ATP2B2: variants seen among roughly 807,000 people sequenced by gnomAD.
ATP2B2 encodes the protein plasma membrane calcium-transporting ATPase 2.
A neutral mutation model predicts 120.0 loss-of-function variants in ATP2B2; 15 were observed. That is an observed-to-expected ratio of 0.12 (90% CI 0.08 to 0.19). The LOEUF (loss-of-function observed/expected upper bound fraction) is 0.19, where lower values mean the gene tolerates loss of function less well. ATP2B2 is among the 10% of genes least tolerant of loss of function. The pLI is 1.00. For missense variants in ATP2B2, 1,045 were observed against 1,719.8 expected, an observed-to-expected ratio of 0.61 and a Z score of 6.94; for synonymous variants, 694 against 700.3, an observed-to-expected ratio of 0.99 and a Z score of 0.14.
At chr3:10,453,422 G>GC (rs773774499) in intron 1 of ATP2B2, among the ~76,000 whole-genome samples, 10 of 152,268 alleles carry the variant, frequency 6.6e-5, no homozygotes, top group Non-Finnish European at 1.2e-4. Flanking sequence ...AGAAACTGAG[G>GC]CCAAGAGAGA....
intron 2 of ATP2B2, among the ~76,000 whole-genome samples, chr3:10,585,753 C>T (rs779620995): frequency 6.6e-6 from 1 of 152,128 alleles, no homozygotes. Flanking sequence ...CTCCAGGGCT[C>T]CTCTGCCAAA....
At chr3:10,577,326 T>C (rs1056168601) in intron 2 of ATP2B2, among the ~76,000 whole-genome samples, 8 of 152,230 alleles carry the variant, frequency 5.3e-5, no homozygotes, top group African/African-American at 9.6e-5. Context: ...CTGAGATTCC[T>C]GGCTTCTCAT....
At chr3:10,475,474 C>A (rs991513119) in intron 1 of ATP2B2, among the ~76,000 whole-genome samples, 1 of 152,202 alleles carries the variant, frequency 6.6e-6, no homozygotes, top group East Asian at 1.9e-4. Context: ...ATGTGTTGGG[C>A]ACCACACATT....
In ATP2B2 at chr3:10,617,730, C is replaced by G. The variant is rs545715943; in HGVS notation, c.-415+2187G>C. ...AGGGACGAGCTGCTGAGCAGGGCAG[C>G]AGCAGGACGGCTCCCAGATCCAGCC... is the stretch of plus-strand genomic sequence containing the variant. On this transcript the variant is annotated intron_variant, in intron 2 of 21. Coordinates refer to the ATP2B2 transcript ENST00000646379. Among the ~76,000 whole-genome samples the G allele has an allele frequency of 6.4e-4, 97 of 152,362 alleles. 1 individual carries two copies. The highest frequency in any genetic ancestry group is 1.2e-3 in the South Asian group (6 of 4,828).
intron 3 of ATP2B2, among the ~76,000 whole-genome samples, chr3:10,408,755 CAT>C (rs2062504803): frequency 6.6e-6 from 1 of 152,166 alleles, no homozygotes; most frequent in Admixed American, 6.5e-5. Context: ...TCCTGGCACA[CAT>C]GAGGCGCTCG....
intron 2 of ATP2B2, among the ~76,000 whole-genome samples, chr3:10,610,798 A>G (rs916072385): frequency 6.6e-6 from 1 of 151,824 alleles, no homozygotes; most frequent in Non-Finnish European, 1.5e-5. Flanking sequence ...GCTGGAGGGA[A>G]CCTTAGGCTG....
intron 1 of ATP2B2, among the ~76,000 whole-genome samples, chr3:10,670,130 C>G (rs2071056732): frequency 3.3e-5 from 5 of 152,122 alleles, no homozygotes; most frequent in Admixed American, 3.3e-4. Context: ...ATAAAAAAAG[C>G]CAAATTAAAA....
chr3:10,634,777 C>A (rs1352071690), intron 1 of ATP2B2, among the ~76,000 whole-genome samples: 1 of 152,196 alleles, frequency 6.6e-6, no homozygotes, highest in Non-Finnish European at 1.5e-5. Context: ...AGGACCTTTA[C>A]TCCCCTAAAG....
intron 3 of ATP2B2, among the ~76,000 whole-genome samples, chr3:10,407,325 T>C (rs540850110): frequency 6.6e-6 from 1 of 152,248 alleles, no homozygotes; most frequent in Non-Finnish European, 1.5e-5. Context: ...AGGGATCTGG[T>C]GAAGCCGGTG....
intron 2 of ATP2B2, among the ~76,000 whole-genome samples, chr3:10,568,953 G>A (rs1388692846): frequency 9.2e-5 from 14 of 152,224 alleles, no homozygotes; most frequent in Non-Finnish European, 2.1e-4. Context: ...GTTGCCATCA[G>A]CTAGAAACAA....
At chr3:10,467,533 C>G (rs2064799484) in intron 1 of ATP2B2, among the ~76,000 whole-genome samples, 1 of 152,174 alleles carries the variant, frequency 6.6e-6, no homozygotes, top group Non-Finnish European at 1.5e-5. Context: ...CAAAAGCTAG[C>G]TGAGTGGGCA....
chr3:10,380,136 TGGTGCTGC>T (rs2061492629), intron 8 of ATP2B2, among the ~76,000 whole-genome samples: 1 of 152,232 alleles, frequency 6.6e-6, no homozygotes, highest in Non-Finnish European at 1.5e-5. Context: ...TACCAGGGCC[TGGTGCTGC>T]ATCTGGCTGC....
chr3:10,434,750 T>C (rs1329591147), intron 2 of ATP2B2, among the ~76,000 whole-genome samples: 1 of 152,264 alleles, frequency 6.6e-6, no homozygotes, highest in East Asian at 1.9e-4. Flanking sequence ...TCTGGGACTT[T>C]TGATTTATCT....
At chr3:10,420,630 G>A (rs2062944737) in intron 2 of ATP2B2, among the ~76,000 whole-genome samples, 2 of 152,236 alleles carry the variant, frequency 1.3e-5, no homozygotes, top group African/African-American at 4.8e-5. Context: ...CCAAAGTGCT[G>A]GGATTACAGG....
chr3:10,333,529 A>G (rs2060037443), intron 22 of ATP2B2, among the ~76,000 whole-genome samples: 1 of 152,060 alleles, frequency 6.6e-6, no homozygotes, highest in African/African-American at 2.4e-5. Flanking sequence ...ACACTACTCA[A>G]GCAAAGGAGG....
intron 11 of ATP2B2, among the ~76,000 whole-genome samples, chr3:10,373,635 G>A (rs1417185466): frequency 6.6e-6 from 1 of 152,058 alleles, no homozygotes; most frequent in Non-Finnish European, 1.5e-5. Flanking sequence ...TAATAGTGTT[G>A]GATTTGACAT....
At chr3:10,400,738 G>A (rs773121345) in intron 5 of ATP2B2, among the ~76,000 whole-genome samples, 9 of 152,084 alleles carry the variant, frequency 5.9e-5, no homozygotes, top group East Asian at 3.9e-4. Context: ...TTTATTCGCC[G>A]CAGTCTCCCC....
chr3:10,571,635 G>A (rs985794118), intron 2 of ATP2B2, among the ~76,000 whole-genome samples: 2 of 152,212 alleles, frequency 1.3e-5, no homozygotes, highest in Non-Finnish European at 2.9e-5. Context: ...AGCACTGAAC[G>A]CCAAGCTCAA....
chr3:10,450,248 C>T (rs1347556889), intron 1 of ATP2B2, among the ~76,000 whole-genome samples: 3 of 152,128 alleles, frequency 2.0e-5, no homozygotes, highest in South Asian at 2.1e-4. Context: ...TTGAGCCATA[C>T]AACTTAACCT....
Sources: allele counts gnomAD v4.1 joint callset (sites outside exome capture counted in the v4.1 genomes callset), GRCh38; gene constraint gnomAD v4.1.1; transcripts MANE v1.5; gene names NCBI Gene and HGNC (gene_info 2026-07-23, HGNC 2026-07-21).